SLC5A4: variants seen among roughly 807,000 people sequenced by gnomAD.
The protein encoded by SLC5A4 is probable glucose sensor protein SLC5A4.
SLC5A4 carries 55 observed loss-of-function variants against 70.3 expected under a neutral mutation model. The observed-to-expected ratio is 0.78, with a 90% CI of 0.63 to 0.98. The LOEUF (loss-of-function observed/expected upper bound fraction) is 0.98, where lower values mean the gene tolerates loss of function less well. Ranked by LOEUF, SLC5A4 falls within the 50% of genes least tolerant of loss-of-function variation. The pLI, the probability that SLC5A4 is intolerant of heterozygous loss-of-function variation, is 0.00. For missense variants in SLC5A4, 735 were observed against 839.2 expected, an observed-to-expected ratio of 0.88 and a Z score of 1.53; for synonymous variants, 268 against 305.7, an observed-to-expected ratio of 0.88 and a Z score of 1.29.
At chr22:32,340,245 A>G in the SLC5A4 span, among the ~76,000 whole-genome samples, 1 of 152,168 alleles carries the variant, frequency 6.6e-6, no homozygotes, top group Non-Finnish European at 1.5e-5. Flanking sequence ...TAGCTCAGTG[A>G]GCCCTCAACA....
At chr22:32,262,018 C>G in the SLC5A4 span, among the ~76,000 whole-genome samples, 4 of 152,162 alleles carry the variant, frequency 2.6e-5, no homozygotes, top group African/African-American at 9.7e-5. Context: ...TTTTTTATGC[C>G]TGAATAGTAT....
chr22:32,334,450 A>T, the SLC5A4 span, among the ~76,000 whole-genome samples: 1 of 152,008 alleles, frequency 6.6e-6, no homozygotes, highest in Admixed American at 6.5e-5. Context: ...CACTACCTCC[A>T]AAATACTGCC....
At chr22:32,305,112 T>A in the SLC5A4 span, among the ~76,000 whole-genome samples, 17 of 152,246 alleles carry the variant, frequency 1.1e-4, no homozygotes, top group African/African-American at 3.6e-4. Flanking sequence ...TCTTATGTAA[T>A]CTGCTTTTCA....
chr22:32,271,257 G>T, the SLC5A4 span: 1 of 787,568 alleles, frequency 1.3e-6, no homozygotes, highest in Non-Finnish European at 2.2e-6. Flanking sequence ...GGGTCCTCAT[G>T]GACAGCTCCT....
chr22:32,249,085 G>A (rs1183862288), intron 3 of SLC5A4, among the ~76,000 whole-genome samples: 3 of 152,176 alleles, frequency 2.0e-5, no homozygotes, highest in Non-Finnish European at 4.4e-5. Flanking sequence ...CTTTGCCAAA[G>A]GGAATTTTTC....
At chr22:32,268,431 A>T in the SLC5A4 span, 1 of 152,186 alleles carries the variant, frequency 6.6e-6, no homozygotes, top group East Asian at 1.9e-4. Flanking sequence ...CCCATGAGGA[A>T]GGTGTAATGT....
At chr22:32,325,322 G>A in the SLC5A4 span, among the ~76,000 whole-genome samples, 7 of 152,384 alleles carry the variant, frequency 4.6e-5, no homozygotes, top group Admixed American at 3.3e-4. Context: ...GACCCACGCT[G>A]TGTCAGTGGT....
the SLC5A4 span, among the ~76,000 whole-genome samples, chr22:32,352,599 C>G: frequency 6.6e-6 from 1 of 152,134 alleles, no homozygotes; most frequent in Non-Finnish European, 1.5e-5. Flanking sequence ...GGCTGCACCT[C>G]CACCGCTGTC....
chr22:32,321,633 A>G, the SLC5A4 span, among the ~76,000 whole-genome samples: 1 of 152,196 alleles, frequency 6.6e-6, no homozygotes, highest in African/African-American at 2.4e-5. Context: ...TCCGCCCTTC[A>G]GTGGGCCCCA....
chr22:32,223,041 C>T (rs536214784), intron 13 of SLC5A4, among the ~76,000 whole-genome samples: 7 of 152,062 alleles, frequency 4.6e-5, no homozygotes, highest in East Asian at 1.9e-4. Context: ...TTTCAGAAAG[C>T]GCTATTATAC....
At chr22:32,268,799 C>T in the SLC5A4 span, among the ~76,000 whole-genome samples, 4 of 152,130 alleles carry the variant, frequency 2.6e-5, no homozygotes, top group Non-Finnish European at 4.4e-5. Context: ...ATGTGGTAGT[C>T]GCCATTGGCT....
intron 3 of SLC5A4, among the ~76,000 whole-genome samples, chr22:32,249,238 G>A (rs1927005875): frequency 6.6e-6 from 1 of 152,200 alleles, no homozygotes; most frequent in Admixed American, 6.5e-5. Context: ...AATTTTTACA[G>A]AGAGTCTTCA....
At chr22:32,282,663 G>A in the SLC5A4 span, among the ~76,000 whole-genome samples, 1 of 152,112 alleles carries the variant, frequency 6.6e-6, no homozygotes, top group African/African-American at 2.4e-5. Flanking sequence ...GGTTTTCAAC[G>A]TGGATGTCAA....
intron 13 of SLC5A4, among the ~76,000 whole-genome samples, chr22:32,223,115 T>A (rs1925181470): frequency 2.6e-5 from 4 of 152,232 alleles, no homozygotes; most frequent in Admixed American, 2.6e-4. Context: ...TTTTCCAAAG[T>A]GAATAATAGA....
chr22:32,279,297 A>C, the SLC5A4 span, among the ~76,000 whole-genome samples: 6 of 152,186 alleles, frequency 3.9e-5, no homozygotes, highest in Admixed American at 1.3e-4. Flanking sequence ...ACAAAAACAA[A>C]CAACCAAAAG....
At chr22:32,281,736 C>A in the SLC5A4 span, among the ~76,000 whole-genome samples, 1 of 152,132 alleles carries the variant, frequency 6.6e-6, no homozygotes, top group African/African-American at 2.4e-5. Context: ...GCAATCCTTC[C>A]CGCCTCAGCC....
chr22:32,221,574 T>C (rs1157123552), intron 13 of SLC5A4, among the ~76,000 whole-genome samples: 1 of 152,206 alleles, frequency 6.6e-6, no homozygotes, highest in Non-Finnish European at 1.5e-5. Flanking sequence ...TATTATGCTT[T>C]ATATAATTAT....
At chr22:32,237,373 T>C (rs1376747741) in intron 6 of SLC5A4, 49 bp from the exon 7 acceptor site, 4 of 1,280,274 alleles carry the variant, frequency 3.1e-6, no homozygotes, top group East Asian at 2.5e-5. Context: ...TGTGTCCTCA[T>C]GTATTTACCT....
the SLC5A4 span, chr22:32,272,121 C>T: frequency 1.5e-6 from 1 of 670,958 alleles, no homozygotes; most frequent in Middle Eastern, 2.5e-4. Context: ...AGTGTCGCTG[C>T]AGCAAGGAGA....
Sources: allele counts gnomAD v4.1 joint callset (sites outside exome capture counted in the v4.1 genomes callset), GRCh38; gene constraint gnomAD v4.1.1; transcripts MANE v1.5; gene names NCBI Gene and HGNC (gene_info 2026-07-23, HGNC 2026-07-21).